The following VPS13C variants were observed in gnomAD, a reference collection of about 807,000 sequenced individuals.
The protein encoded by VPS13C is vacuolar protein sorting 13 homolog C.
A neutral mutation model predicts 456.8 loss-of-function variants in VPS13C; 358 were observed. The observed-to-expected ratio is 0.78, with a 90% CI of 0.72 to 0.86. The LOEUF (loss-of-function observed/expected upper bound fraction) is 0.86. VPS13C is among the 40% of genes least tolerant of loss of function. VPS13C has a pLI of 0.00. For synonymous variants in VPS13C, 1,578 were observed against 1,486.7 expected, an observed-to-expected ratio of 1.06 and a Z score of -1.41; for missense variants, 4,818 against 4,385.4, an observed-to-expected ratio of 1.10 and a Z score of -2.79.
At chr15:62,038,689 T>C (rs577253666) in intron 3 of VPS13C, among the ~76,000 whole-genome samples, 2 of 152,008 alleles carry the variant, frequency 1.3e-5, no homozygotes, top group Admixed American at 1.3e-4. Flanking sequence ...AGGTAGAAAA[T>C]ATTTGCAAAT....
At chr15:61,977,354 CT>C (rs1328353858) in intron 23 of VPS13C, among the ~76,000 whole-genome samples, 155 bp from the exon 24 acceptor site, 1 of 152,002 alleles carries the variant, frequency 6.6e-6, no homozygotes, top group Non-Finnish European at 1.5e-5. Flanking sequence ...CCAATTTTCA[CT>C]TCTTTCAGCG....
rs749855675 is a variant in VPS13C, at chr15:61,880,967, AT to A, written c.9777-14del. On this transcript the variant is annotated splice_polypyrimidine_tract_variant and intron_variant, in intron 71 of 84. Transcript: ENST00000644861. ...GACCATAAAATACCTAAGAAAAAAAATTTAAAATGGAAAAGGATTTCTACCA... is the reference window on the plus strand; with the variant it reads ...GACCATAAAATACCTAAGAAAAAAAATTAAAATGGAAAAGGATTTCTACCA... 1 of 1,560,990 alleles carries A rather than the reference AT, an allele frequency of 6.4e-7. No homozygotes were observed.
chr15:62,025,765 G>C (rs755989013), intron 6 of VPS13C, among the ~76,000 whole-genome samples: 25 of 152,036 alleles, frequency 1.6e-4, no homozygotes, highest in Non-Finnish European at 3.5e-4. Flanking sequence ...AACTAAAGCA[G>C]TTCTCAAAGA....
chr15:62,012,756 T>A (rs1264551427), intron 11 of VPS13C, among the ~76,000 whole-genome samples: 5 of 151,870 alleles, frequency 3.3e-5, no homozygotes. Context: ...GTGACAAGAA[T>A]GTCATCAAAA....
At chr15:61,887,998 A>G (rs1205920518) in intron 67 of VPS13C, among the ~76,000 whole-genome samples, 1 of 152,208 alleles carries the variant, frequency 6.6e-6, no homozygotes, top group Non-Finnish European at 1.5e-5. Flanking sequence ...CTTAAAACTC[A>G]ACGTTAAGAA....
In VPS13C at chr15:61,878,709, T is replaced by C; in HGVS notation, c.10040A>G (p.Glu3347Gly). ...CATTTCCTGTTTTTCTTTGTCTGAT[T>C]CTTCACCTCCGGAACCCAAAGACAA... is the stretch of plus-strand genomic sequence containing the variant. ...LSLSLGSGGEESDKEKQEMFA... is the reference protein window; with the variant it reads ...LSLSLGSGGEGSDKEKQEMFA... The change falls in exon 74 of 85, where the codon GAA becomes GGA. Residue 3347 changes from glutamate to glycine, a missense_variant. Physicochemically the swap from Glu to Gly is moderately conservative, Grantham distance 98 (BLOSUM62 -2). Coordinates refer to ENST00000644861, the MANE Select transcript of VPS13C (RefSeq NM_020821.3). 6.2e-7 allele frequency: 1 copy of C among 1,610,858 alleles called. No individual in the cohort carries two copies. Among genetic ancestry groups the C allele is most frequent in the Non-Finnish European group, 8.5e-7 (1 of 1,178,530 alleles).
At chr15:62,020,330 G>A in intron 9 of VPS13C, 149 bp downstream of exon 9, 1 of 540,986 alleles carries the variant, frequency 1.8e-6, no homozygotes, top group Non-Finnish European at 2.9e-6. Context: ...CACTAAAAAT[G>A]TTAAACTTCT....
At position 61,854,171 on chromosome 15, in the gene VPS13C, A is replaced by T; in HGVS notation, c.*286T>A. ...TAAGCCTATTGACCTTTGCTTCACAATTTTAATATTAATGAAAATTTCATT... is the reference window on the plus strand; with the variant it reads ...TAAGCCTATTGACCTTTGCTTCACATTTTTAATATTAATGAAAATTTCATT... On this transcript the variant is annotated 3_prime_UTR_variant, in exon 85 of 85. Coordinates refer to ENST00000644861, the MANE Select transcript of VPS13C (RefSeq NM_020821.3). 2.3e-6 allele frequency: 1 copy of T among 441,726 alleles called. No individual in the cohort carries two copies. The highest frequency in any genetic ancestry group is 3.6e-5 in the East Asian group (1 of 27,416). The allele number at this position is 441,726 out of a possible 1,614,324, so 27.4% of individuals were successfully genotyped here.
chr15:61,966,522 C>A (rs1372547146), intron 29 of VPS13C, among the ~76,000 whole-genome samples: 1 of 151,818 alleles, frequency 6.6e-6, no homozygotes, highest in South Asian at 2.1e-4. Flanking sequence ...TGTTTCTTTA[C>A]AAAACTAATC....
chr15:61,967,730 G>T (rs2045423366), intron 28 of VPS13C, among the ~76,000 whole-genome samples: 1 of 151,856 alleles, frequency 6.6e-6, no homozygotes. Flanking sequence ...TTCTATTAAA[G>T]AAATTTAAAT....
At chr15:61,866,586 C>A (rs1281142924) in intron 81 of VPS13C, 2 of 984,966 alleles carry the variant, frequency 2.0e-6, no homozygotes, top group Non-Finnish European at 2.4e-6. Flanking sequence ...GTTATTTGTG[C>A]TTGACTCTCC....
chr15:61,966,566 T>C (rs538934067), intron 29 of VPS13C, among the ~76,000 whole-genome samples: 157 of 152,044 alleles, frequency 1.0e-3, no homozygotes, highest in Admixed American at 3.2e-3. Context: ...GGTCTTCACA[T>C]TGAGTCAAAA....
chr15:61,972,857 T>C, intron 26 of VPS13C, 93 bp from the exon 27 acceptor site: 1 of 1,330,560 alleles, frequency 7.5e-7, no homozygotes, highest in Non-Finnish European at 1.0e-6. Flanking sequence ...GTGAAATTCA[T>C]TTATTAGATA....
intron 12 of VPS13C, 64 bp from the exon 13 acceptor site, chr15:62,010,663 A>C: frequency 3.5e-6 from 5 of 1,422,064 alleles, no homozygotes; most frequent in Non-Finnish European, 4.7e-6. Context: ...AAGTGTAAAT[A>C]ATTATGAGAA....
intron 15 of VPS13C, among the ~76,000 whole-genome samples, chr15:62,001,369 A>T (rs944981157): frequency 2.0e-5 from 3 of 152,238 alleles, no homozygotes; most frequent in Non-Finnish European, 2.9e-5. Context: ...GATATACTTC[A>T]GAAAAATAGG....
At chr15:62,002,619 T>C (rs376333564) in intron 15 of VPS13C, among the ~76,000 whole-genome samples, 2 of 152,138 alleles carry the variant, frequency 1.3e-5, no homozygotes, top group South Asian at 2.1e-4. Flanking sequence ...AATGGTAATG[T>C]CTAGGTTTTC....
At chr15:62,025,935 A>C (rs1031506756) in intron 6 of VPS13C, among the ~76,000 whole-genome samples, 1 of 151,546 alleles carries the variant, frequency 6.6e-6, no homozygotes, top group Non-Finnish European at 1.5e-5. Context: ...TACAGTTATA[A>C]AAATAGCTAT....
chr15:61,990,941 C>G, intron 18 of VPS13C, 59 bp downstream of exon 18: 1 of 1,130,484 alleles, frequency 8.8e-7, no homozygotes, highest in Non-Finnish European at 1.3e-6. Flanking sequence ...AAGTCTAATC[C>G]AATTCAATCT....
At chr15:61,970,108 T>C (rs1045384226) in intron 27 of VPS13C, among the ~76,000 whole-genome samples, 21 of 152,076 alleles carry the variant, frequency 1.4e-4, no homozygotes, top group African/African-American at 3.9e-4. Context: ...ATGTAAAAAG[T>C]TCAACTACTC....
Sources: gnomAD v4.1 joint callset for allele counts (sites outside exome capture counted in the v4.1 genomes callset) on GRCh38, gnomAD v4.1.1 for gene constraint, MANE v1.5 for transcripts, NCBI Gene and HGNC (gene_info 2026-07-23, HGNC 2026-07-21) for gene names.